Variants in BTF3 observed in about 807,000 individuals in gnomAD.
BTF3 encodes the protein basic transcription factor 3.
BTF3 carries 12 observed loss-of-function variants against 23.9 expected under a neutral mutation model. That is an observed-to-expected ratio of 0.50 (90% CI 0.32 to 0.81). The LOEUF (loss-of-function observed/expected upper bound fraction) is 0.81. Ranked by LOEUF, BTF3 falls within the 40% of genes least tolerant of loss-of-function variation. BTF3 has a pLI of 0.03. For synonymous variants in BTF3, 96 were observed against 94.8 expected, an observed-to-expected ratio of 1.01 and a Z score of -0.07; for missense variants, 215 against 255.9, an observed-to-expected ratio of 0.84 and a Z score of 1.09.
At chr5:73,501,313 C>T (rs899547947) in intron 2 of BTF3, among the ~76,000 whole-genome samples, 10 of 152,046 alleles carry the variant, frequency 6.6e-5, no homozygotes, top group Non-Finnish European at 7.4e-5. Flanking sequence ...CCTTGAGTGC[C>T]TTCAGTGAGC....
chr5:73,498,936 T>G, intron 1 of BTF3, 137 bp downstream of exon 1: 3 of 1,343,504 alleles, frequency 2.2e-6, no homozygotes, highest in Admixed American at 2.9e-5. Context: ...AGCGGGGAGC[T>G]GTGGGGGAGT....
At chr5:73,504,991 C>A in intron 5 of BTF3, among the ~76,000 whole-genome samples, 1 of 131,708 alleles carries the variant, frequency 7.6e-6, no homozygotes, top group East Asian at 3.1e-4. Context: ...TCTGCTCCCC[C>A]ACTATTGACC....
At position 73,498,704 on chromosome 5, in the gene BTF3, CG is replaced by C; in HGVS notation, c.42del (p.Arg15GlufsTer31). Reference sequence around the variant, plus strand: ...AGGCGCACCCGCTCAGGCTGACTCTCGGGGGCGAGGTCGAGCCAGGGGCGGC... The same window carrying C: ...AGGCGCACCCGCTCAGGCTGACTCTCGGGGCGAGGTCGAGCCAGGGGCGGC... ...RTGAPAQADS[R>X]GRGRARGGCP... is the part of the protein sequence containing the mutation. On this transcript the variant is annotated frameshift_variant, in exon 1 of 6. Coordinates refer to ENST00000380591, the MANE Select transcript of BTF3 (RefSeq NM_001037637.2). LOFTEE classifies it high-confidence loss of function. 1.3e-6 allele frequency: 2 copies of C among 1,496,148 alleles called. No individual in the cohort carries two copies. Among genetic ancestry groups the C allele is most frequent in the Admixed American group, 2.6e-5 (1 of 39,126 alleles). 92.7% of individuals were successfully genotyped at this position (1,496,148 alleles called of 1,614,324 possible). A position where few individuals can be genotyped will look rare whatever the true frequency, so the allele number is the denominator to read the frequency against.
chr5:73,498,723 G>C lies in BTF3; in HGVS notation c.56G>C (p.Arg19Thr). ...QADSRGRGRA[R>T]GGCPGGEATL... Reference sequence around the variant, plus strand: ...GACTCTCGGGGGCGAGGTCGAGCCAGGGGCGGCTGCCCTGGGGGCGAGGCG... The same window carrying C: ...GACTCTCGGGGGCGAGGTCGAGCCACGGGCGGCTGCCCTGGGGGCGAGGCG... Residue 19 changes from arginine to threonine, a missense_variant, in exon 1 of 6, where the codon AGG (arginine) becomes ACG (threonine). Arg to Thr is a moderately conservative substitution (Grantham distance 71). Coordinates refer to ENST00000380591, the MANE Select transcript of BTF3 (RefSeq NM_001037637.2). The C allele has an allele frequency of 6.7e-7, 1 of 1,488,818 alleles. No homozygotes were observed. The highest frequency in any genetic ancestry group is 1.3e-5 in the South Asian group (1 of 78,288). The allele number at this position is 1,488,818 out of a possible 1,614,324, so 92.2% of individuals were successfully genotyped here. A position where few individuals can be genotyped will look rare whatever the true frequency, so the allele number is the denominator to read the frequency against.
intron 2 of BTF3, among the ~76,000 whole-genome samples, chr5:73,501,312 C>A (rs1040887321): frequency 2.0e-5 from 3 of 151,994 alleles, no homozygotes; most frequent in Non-Finnish European, 4.4e-5. Flanking sequence ...TCCTTGAGTG[C>A]CTTCAGTGAG....
At chr5:73,504,307 A>C (rs746165710) in intron 4 of BTF3, 40 bp from the exon 5 acceptor site, 1 of 642,726 alleles carries the variant, frequency 1.6e-6, no homozygotes, top group East Asian at 3.9e-5. Flanking sequence ...AATATTTATT[A>C]AAAACCTAGA....
intron 2 of BTF3, 70 bp downstream of exon 2, chr5:73,499,272 T>G: frequency 6.7e-7 from 1 of 1,500,722 alleles, no homozygotes; most frequent in Non-Finnish European, 9.2e-7. Context: ...ACATATTCCT[T>G]TTGCGCTTCT....
At position 73,504,331 on chromosome 5, in the gene BTF3, C is replaced by G. The variant is rs375717813; in HGVS notation, c.518-16C>G. On this transcript the variant is annotated splice_polypyrimidine_tract_variant and intron_variant, in intron 4 of 5. Transcript: ENST00000380591. ...TAAAAACCTAGACAAATAATGTTTACATTTTCCTTTCATAGCTGTGGATGG... is the reference window on the plus strand; with the variant it reads ...TAAAAACCTAGACAAATAATGTTTAGATTTTCCTTTCATAGCTGTGGATGG... The G allele has an allele frequency of 1.7e-5, 13 of 759,776 alleles. No individual in the cohort carries two copies. Among genetic ancestry groups the G allele is most frequent in the Admixed American group, 1.3e-4 (4 of 30,094 alleles). 47.1% of individuals were successfully genotyped at this position (759,776 alleles called of 1,614,324 possible). A position where few individuals can be genotyped will look rare whatever the true frequency, so the allele number is the denominator to read the frequency against.
chr5:73,499,065 G>A (rs1746369134), intron 1 of BTF3, 69 bp from the exon 2 acceptor site: 3 of 1,475,018 alleles, frequency 2.0e-6, no homozygotes, highest in Non-Finnish European at 2.8e-6. Flanking sequence ...TGGTATCTTG[G>A]GAAATAACGA....
chr5:73,504,264 G>GTTCTT, intron 4 of BTF3, 83 bp from the exon 5 acceptor site: 1 of 404,648 alleles, frequency 2.5e-6, no homozygotes, highest in Non-Finnish European at 3.6e-6. Flanking sequence ...CATTTCATCT[G>GTTCTT]TTCTTTTTTT....
At chr5:73,501,026 T>C (rs1449928235) in intron 2 of BTF3, among the ~76,000 whole-genome samples, 2 of 152,142 alleles carry the variant, frequency 1.3e-5, no homozygotes, top group Non-Finnish European at 2.9e-5. Context: ...TATAAAATTT[T>C]AAGAAGTTTA....
Position 73,504,456 on chromosome 5 carries a change from G to A in BTF3, c.574+53G>A. On this transcript the variant is annotated intron_variant, in intron 5 of 5. Transcript: ENST00000380591. Reference sequence around the variant, plus strand: ...AGAGAATCTTAGCAAGGGAGAATAAGAAATCTTTGTAGGAAAAACTACCCA... The same window carrying A: ...AGAGAATCTTAGCAAGGGAGAATAAAAAATCTTTGTAGGAAAAACTACCCA... 3 of 1,500,514 alleles carry A rather than the reference G, an allele frequency of 2.0e-6. No homozygotes were observed. In the South Asian group the frequency reaches 3.7e-5, roughly 18 times the overall value. 92.9% of individuals were successfully genotyped at this position (1,500,514 alleles called of 1,614,324 possible).
intron 1 of BTF3, 75 bp downstream of exon 1, chr5:73,498,874 T>TG (rs1376735432): frequency 4.2e-6 from 6 of 1,434,646 alleles, no homozygotes; most frequent in East Asian, 2.8e-5. Context: ...GGGCCAGGGG[T>TG]GGGGGGTGCT....
chr5:73,504,723 A>G (rs1304063829), intron 5 of BTF3: 3 of 212,280 alleles, frequency 1.4e-5, no homozygotes, highest in African/African-American at 7.0e-5. Flanking sequence ...TTTGAAACTC[A>G]TGAATTTACA....
chr5:73,504,988 C>A (rs1342461817), intron 5 of BTF3, among the ~76,000 whole-genome samples: 2 of 135,850 alleles, frequency 1.5e-5, no homozygotes, highest in Admixed American at 1.4e-4. Flanking sequence ...GGTTCTGCTC[C>A]CCCACTATTG....
In BTF3 at chr5:73,498,572, C is replaced by T; in HGVS notation, c.-96C>T. Reference sequence around the variant, plus strand: ...CGCTCCGACAAGGTACAAAAAGGCTCTGGACGGCGGCGTGGTAGGAGGACG... The same window carrying T: ...CGCTCCGACAAGGTACAAAAAGGCTTTGGACGGCGGCGTGGTAGGAGGACG... On this transcript the variant is annotated 5_prime_UTR_variant, in exon 1 of 6. Coordinates refer to ENST00000380591, the MANE Select transcript of BTF3 (RefSeq NM_001037637.2). 2 of 1,403,106 alleles carry T rather than the reference C, an allele frequency of 1.4e-6. No individual in the cohort carries two copies. Among genetic ancestry groups the T allele is most frequent in the African/African-American group, 1.5e-5 (1 of 65,710 alleles). The allele number at this position is 1,403,106 out of a possible 1,614,324, so 86.9% of individuals were successfully genotyped here. A position where few individuals can be genotyped will look rare whatever the true frequency, so the allele number is the denominator to read the frequency against.
At chr5:73,499,018 C>A in intron 1 of BTF3, 116 bp from the exon 2 acceptor site, 1 of 1,295,474 alleles carries the variant, frequency 7.7e-7, no homozygotes, top group Non-Finnish European at 1.0e-6. Context: ...GATTTGGGAT[C>A]CAGGTTTCGG....
At chr5:73,498,881 T>A (rs1211714374) in intron 1 of BTF3, 82 bp downstream of exon 1, 32 of 1,472,608 alleles carry the variant, frequency 2.2e-5, no homozygotes, top group Non-Finnish European at 2.8e-5. Flanking sequence ...GGGTGGGGGG[T>A]GCTGGCCAGG....
At position 73,505,225 on chromosome 5, in the gene BTF3, A is replaced by G. The variant is rs1746529143; in HGVS notation, c.608A>G (p.Asn203Ser). 1 of 1,609,762 alleles carries G rather than the reference A, an allele frequency of 6.2e-7. No homozygotes were observed. Among genetic ancestry groups the G allele is most frequent in the Non-Finnish European group, 8.5e-7 (1 of 1,179,330 alleles). The change falls in exon 6 of 6, where the codon AAT (asparagine) becomes AGT (serine). Residue 203 changes from asparagine to serine, a missense_variant. Around this residue, in one of 2 missense-constraint regions of BTF3, gnomAD observed 99 missense variants for 171.2 expected, o/e 0.58. Coordinates refer to ENST00000380591, the MANE Select transcript of BTF3 (RefSeq NM_001037637.2). ...LVENFDEASK[N>S]EAN ...GAGAATTTTGATGAGGCTTCCAAGA[A>G]TGAGGCAAACTGAATTGAGTCAACT...
Sources: allele counts gnomAD v4.1 joint callset (sites outside exome capture counted in the v4.1 genomes callset), GRCh38; gene constraint gnomAD v4.1.1; regional missense constraint gnomAD v4.1.1; transcripts MANE v1.5; gene names NCBI Gene and HGNC (gene_info 2026-07-23, HGNC 2026-07-21).